Variants in DCC observed in about 807,000 individuals in gnomAD.
The protein encoded by DCC is netrin receptor DCC.
A neutral mutation model predicts 172.5 loss-of-function variants in DCC; 58 were observed. The observed-to-expected ratio is 0.34, with a 90% CI of 0.27 to 0.42. DCC has a LOEUF of 0.42. Ranked by LOEUF, DCC falls within the 10% of genes least tolerant of loss-of-function variation. The probability of loss-of-function intolerance (pLI) is 1.00; values close to 1 mark genes in which losing one functional copy is unlikely to be tolerated. For synonymous variants in DCC, 709 were observed against 644.5 expected (o/e 1.10, Z -1.52); for missense variants, 1,740 against 1,791.0 (o/e 0.97, Z 0.51).
intron 12 of DCC, among the ~76,000 whole-genome samples, chr18:53,292,106 G>A (rs2057011341): frequency 8.4e-6 from 1 of 119,750 alleles, no homozygotes; most frequent in African/African-American, 3.1e-5. Context: ...TTTATTCTTT[G>A]AGCTCCACCC....
chr18:52,605,675 G>A (rs1344903070), intron 1 of DCC, among the ~76,000 whole-genome samples: 1 of 152,114 alleles, frequency 6.6e-6, no homozygotes, highest in Admixed American at 6.6e-5. Context: ...ACCCCACCTT[G>A]TCTGATTACA....
Position 52,586,100 on chromosome 18 carries a change from A to G in DCC, c.92-165954A>G, listed in dbSNP as rs199678926. On this transcript the variant is annotated intron_variant, in intron 1 of 28. Coordinates refer to ENST00000442544, the MANE Select transcript of DCC (RefSeq NM_005215.4). ...TCCGTCTCAAAAAAAAAAAAAAAAAAAAAAAAAACAAAAACACTGTCACAC... is the reference window on the plus strand; with the variant it reads ...TCCGTCTCAAAAAAAAAAAAAAAAAGAAAAAAAACAAAAACACTGTCACAC... 4.0e-5 allele frequency among the ~76,000 whole-genome samples: 6 copies of G among 151,222 alleles called. No homozygotes were observed. In the East Asian group the frequency reaches 9.9e-4, roughly 25 times the overall value.
intron 1 of DCC, among the ~76,000 whole-genome samples, chr18:52,693,127 C>T (rs1006782217): frequency 2.6e-5 from 4 of 151,458 alleles, no homozygotes; most frequent in African/African-American, 9.7e-5. Context: ...CAGATAACTA[C>T]AAGGCAAATC....
intron 3 of DCC, among the ~76,000 whole-genome samples, chr18:52,912,035 A>G (rs907974289): frequency 8.5e-5 from 13 of 152,148 alleles, no homozygotes; most frequent in African/African-American, 2.9e-4. Flanking sequence ...TTCTGCTAAC[A>G]TTGACTTAAC....
intron 1 of DCC, among the ~76,000 whole-genome samples, chr18:52,531,065 A>G (rs1198711651): frequency 1.3e-5 from 2 of 152,202 alleles, no homozygotes; most frequent in Admixed American, 1.3e-4. Context: ...TAATTTCAGT[A>G]TCTTTGGGGT....
Position 52,915,352 on chromosome 18 carries a change from A to T in DCC, c.698-8355A>T, listed in dbSNP as rs374024392. ...CCAGGTTGGATAATTTATATGACCA[A>T]CCTAGTCATCTACCATGAGGGAAGA... On this transcript the variant is annotated intron_variant, in intron 3 of 28. Coordinates refer to ENST00000442544, the MANE Select transcript of DCC (RefSeq NM_005215.4). Among the ~76,000 whole-genome samples the T allele has an allele frequency of 3.0e-4, 45 of 152,168 alleles. 1 individual carries two copies. The South Asian group carries it at 9.1e-3, about 31-fold the overall frequency.
chr18:53,128,870 C>CACACACACACATAT (rs1300738812), intron 7 of DCC, among the ~76,000 whole-genome samples: 1 of 77,480 alleles, frequency 1.3e-5, no homozygotes, highest in African/African-American at 6.3e-5. Context: ...CACACACACA[C>CACACACACACATAT]ATATATATAT....
intron 1 of DCC, among the ~76,000 whole-genome samples, chr18:52,568,286 C>A (rs1424458671): frequency 3.0e-4 from 45 of 152,092 alleles, no homozygotes. Context: ...CTGTTCTAAT[C>A]ATAATCACTC....
chr18:52,605,743 T>A, intron 1 of DCC, among the ~76,000 whole-genome samples: 2 of 152,174 alleles, frequency 1.3e-5, no homozygotes, highest in Middle Eastern at 3.4e-3. Flanking sequence ...GACTAGACTT[T>A]ATTTGGGATA....
At chr18:53,033,706 TCTC>T (rs1423358382) in intron 5 of DCC, among the ~76,000 whole-genome samples, 1 of 152,066 alleles carries the variant, frequency 6.6e-6, no homozygotes, top group African/African-American at 2.4e-5. Context: ...GCCATAATAC[TCTC>T]CTATCTTAAA....
chr18:53,124,498 CT>C (rs2043527022), intron 7 of DCC, among the ~76,000 whole-genome samples: 1 of 152,028 alleles, frequency 6.6e-6, no homozygotes, highest in Admixed American at 6.6e-5. Flanking sequence ...AATTTGCCCC[CT>C]GCTTGTTGAA....
chr18:53,212,663 C>A (rs2055774926), intron 11 of DCC, among the ~76,000 whole-genome samples: 1 of 131,988 alleles, frequency 7.6e-6, no homozygotes, highest in Admixed American at 7.3e-5. Flanking sequence ...CCTTTCAATT[C>A]TTGTTTTTTT....
intron 2 of DCC, among the ~76,000 whole-genome samples, chr18:52,807,459 C>T (rs999891125): frequency 1.3e-5 from 2 of 152,146 alleles, no homozygotes; most frequent in Non-Finnish European, 2.9e-5. Context: ...AAAGAGAAAG[C>T]TGCGTATATA....
intron 1 of DCC, among the ~76,000 whole-genome samples, chr18:52,594,989 G>C (rs1239773256): frequency 6.6e-6 from 1 of 152,146 alleles, no homozygotes; most frequent in Admixed American, 6.5e-5. Flanking sequence ...CTATTTGTTT[G>C]ACATTTTTCT....
intron 5 of DCC, among the ~76,000 whole-genome samples, chr18:52,992,057 GTTA>G (rs1211593038): frequency 2.6e-5 from 4 of 152,170 alleles, no homozygotes; most frequent in Non-Finnish European, 5.9e-5. Flanking sequence ...CTCATGAGGT[GTTA>G]TTATTATAGT....
At chr18:53,134,674 A>G (rs535989727) in intron 7 of DCC, among the ~76,000 whole-genome samples, 1 of 152,290 alleles carries the variant, frequency 6.6e-6, no homozygotes, top group Admixed American at 6.5e-5. Flanking sequence ...TGTGGTGGGT[A>G]GACTATAGTT....
At chr18:52,570,891 T>G (rs2144758120) in intron 1 of DCC, among the ~76,000 whole-genome samples, 1 of 152,304 alleles carries the variant, frequency 6.6e-6, no homozygotes, top group African/African-American at 2.4e-5. Context: ...ATTAATTTTT[T>G]TGGTCAGAGA....
chr18:53,440,007 C>T (rs1485603683), intron 22 of DCC, among the ~76,000 whole-genome samples: 3 of 151,404 alleles, frequency 2.0e-5, no homozygotes, highest in Non-Finnish European at 2.9e-5. Flanking sequence ...CCTCGTGATC[C>T]GCCCGCCTCG....
intron 28 of DCC, among the ~76,000 whole-genome samples, chr18:53,527,679 GA>G (rs925741810): frequency 1.3e-5 from 2 of 150,234 alleles, no homozygotes; most frequent in African/African-American, 4.9e-5. Context: ...TAGAGAAGGG[GA>G]AAAAATCAGA....
Sources: gnomAD v4.1 joint callset for allele counts (sites outside exome capture counted in the v4.1 genomes callset) on GRCh38, gnomAD v4.1.1 for gene constraint, MANE v1.5 for transcripts, NCBI Gene and HGNC (gene_info 2026-07-23, HGNC 2026-07-21) for gene names.